Variants in ZEB2 observed in about 807,000 individuals in gnomAD.
The protein encoded by ZEB2 is zinc finger E-box-binding homeobox 2.
Under a neutral mutation model 99.9 loss-of-function variants are expected in ZEB2, and 6 were observed. The ratio of observed to expected loss-of-function variants is 0.06; its 90% confidence interval spans 0.03 to 0.12. The LOEUF (loss-of-function observed/expected upper bound fraction) is 0.12. ZEB2 is among the 10% of genes least tolerant of loss of function. The probability of loss-of-function intolerance (pLI) is 1.00; values close to 1 mark genes in which losing one functional copy is unlikely to be tolerated. For missense variants in ZEB2, 969 were observed against 1,502.8 expected, an observed-to-expected ratio of 0.64 and a Z score of 5.87; for synonymous variants, 517 against 542.5, an observed-to-expected ratio of 0.95 and a Z score of 0.65.
chr2:144,517,635 G>A (rs1208055482), intron 1 of ZEB2: 8 of 699,030 alleles, frequency 1.1e-5, no homozygotes, highest in Non-Finnish European at 1.8e-5. Flanking sequence ...GCACCCGCGA[G>A]GGGATCAGAG....
intron 4 of ZEB2, among the ~76,000 whole-genome samples, chr2:144,406,078 T>C (rs558007494): frequency 6.6e-6 from 1 of 152,358 alleles, no homozygotes; most frequent in South Asian, 2.1e-4. Context: ...CTTCACCTTG[T>C]CTTCTCTACC....
chr2:144,488,043 A>G (rs1573793894), intron 2 of ZEB2, among the ~76,000 whole-genome samples: 1 of 152,178 alleles, frequency 6.6e-6, no homozygotes, highest in South Asian at 2.1e-4. Flanking sequence ...GGGAGATCAC[A>G]TGGATGTATC....
In ZEB2 at chr2:144,399,202, T is replaced by C; in HGVS notation, c.1985A>G (p.Tyr662Cys). ...YKDHMSVLKA[Y>C]YAMNMEPNSD... ...GTTGGGCTCCATGTTCATAGCATAG[T>C]ATGCTTTGAGTACAGACATGTGGTC... The change falls in exon 8 of 10, where the codon TAC becomes TGC. Residue 662 changes from tyrosine (Y) to cysteine (C), a missense_variant. Transcript: ENST00000627532. The surrounding 1 kb of genome is among the most constrained non-coding windows in gnomAD (Gnocchi z 5.6). 6.2e-7 allele frequency: 1 copy of C among 1,614,178 alleles called. No individual in the cohort carries two copies. Among genetic ancestry groups the C allele is most frequent in the Middle Eastern group, 1.7e-4 (1 of 6,060 alleles).
chr2:144,485,910 C>T (rs1466942577), intron 2 of ZEB2, among the ~76,000 whole-genome samples: 1 of 152,070 alleles, frequency 6.6e-6, no homozygotes. Flanking sequence ...TGAGCCACTG[C>T]GCCTGGCCTC....
intron 4 of ZEB2, among the ~76,000 whole-genome samples, chr2:144,420,420 A>G (rs1196604292): frequency 1.3e-5 from 2 of 152,026 alleles, no homozygotes. Context: ...TACCTCAGTA[A>G]TTATTTATTT....
Position 144,399,976 on chromosome 2 carries a change from A to G in ZEB2, c.1211T>C (p.Met404Thr), listed in dbSNP as rs754087167. The G allele has an allele frequency of 1.9e-6, 3 of 1,614,242 alleles. No homozygotes were observed. Among genetic ancestry groups the G allele is most frequent in the East Asian group, 2.2e-5 (1 of 44,886 alleles). ...AGTGCCACTAAACCCGTGTGTAGCC[A>G]TAAGAACTTTATAGTCATTGAAGTC... ...PLDFNDYKVL[M>T]ATHGFSGTSP... Residue 404 changes from methionine (M) to threonine (T), a missense_variant, in exon 8 of 10, where the codon ATG becomes ACG. By Grantham distance (81) the Met-to-Thr change is moderately conservative. Coordinates refer to ENST00000627532, the MANE Select transcript of ZEB2 (RefSeq NM_014795.4). This position sits in a 1 kb window ranked among gnomAD's most constrained non-coding sequence, Gnocchi z 5.6.
intron 2 of ZEB2, among the ~76,000 whole-genome samples, chr2:144,509,928 T>C (rs1487361683): frequency 6.6e-6 from 1 of 152,032 alleles, no homozygotes; most frequent in Non-Finnish European, 1.5e-5. Context: ...GCACAAACTT[T>C]CTCTCACAAG....
intron 2 of ZEB2, among the ~76,000 whole-genome samples, chr2:144,471,785 A>C (rs543390612): frequency 2.0e-5 from 3 of 149,388 alleles, no homozygotes; most frequent in African/African-American, 7.6e-5. Flanking sequence ...CCTTGAAATC[A>C]CTTGTGTTTT....
chr2:144,418,681 T>C (rs902132959), intron 4 of ZEB2, among the ~76,000 whole-genome samples: 3 of 149,248 alleles, frequency 2.0e-5, no homozygotes, highest in Non-Finnish European at 4.4e-5. Context: ...AGAGCGAGAC[T>C]CCATCTCAAA....
At chr2:144,517,019 G>A (rs1463772023) in intron 2 of ZEB2, among the ~76,000 whole-genome samples, 1 of 149,608 alleles carries the variant, frequency 6.7e-6, no homozygotes, top group African/African-American at 2.4e-5. Context: ...GCGGGGCTGG[G>A]GGCGCGGGGC....
chr2:144,497,480 C>A (rs952555600), intron 2 of ZEB2, among the ~76,000 whole-genome samples: 5 of 152,086 alleles, frequency 3.3e-5, no homozygotes, highest in African/African-American at 9.7e-5. Flanking sequence ...TGATGACATA[C>A]TTTTCAATTA....
chr2:144,483,900 C>T (rs1704554792), intron 2 of ZEB2, among the ~76,000 whole-genome samples: 1 of 152,096 alleles, frequency 6.6e-6, no homozygotes, highest in South Asian at 2.1e-4. Flanking sequence ...ATTGTATAAA[C>T]AAATACCTTA....
At chr2:144,440,484 A>AGT in intron 2 of ZEB2, among the ~76,000 whole-genome samples, 4 of 75,438 alleles carry the variant, frequency 5.3e-5, no homozygotes, top group African/African-American at 1.6e-4. Context: ...ACCCAAAAGC[A>AGT]GTATATATAT....
At chr2:144,394,615 A>G (rs1447068256) in intron 9 of ZEB2, 3 of 152,250 alleles carry the variant, frequency 2.0e-5, no homozygotes, top group African/African-American at 7.2e-5. Context: ...CTACACTAAA[A>G]GAAAATTTTG....
At chr2:144,498,743 A>G (rs912005387) in intron 2 of ZEB2, among the ~76,000 whole-genome samples, 1 of 152,168 alleles carries the variant, frequency 6.6e-6, no homozygotes, top group Non-Finnish European at 1.5e-5. Context: ...TGTGTCCTAA[A>G]AATGATCAGG....
Position 144,512,711 on chromosome 2 carries a change from A to G in ZEB2, c.73+4567T>C, listed in dbSNP as rs758253526. 4 of 1,287,240 alleles carry G rather than the reference A, an allele frequency of 3.1e-6. No individual in the cohort carries two copies. The South Asian group carries it at 4.9e-5, about 16-fold the overall frequency. The allele number at this position is 1,287,240 out of a possible 1,614,324, so 79.7% of individuals were successfully genotyped here. A position where few individuals can be genotyped will look rare whatever the true frequency, so the allele number is the denominator to read the frequency against. On this transcript the variant is annotated intron_variant, in intron 2 of 9. Transcript: ENST00000627532. ...GCCTACTGGCTCTGCTACGAAGGAAAGCATGTTTCTACCCCAATTGGCTTA... is the reference window on the plus strand; with the variant it reads ...GCCTACTGGCTCTGCTACGAAGGAAGGCATGTTTCTACCCCAATTGGCTTA...
At chr2:144,419,975 G>A (rs921671334) in intron 4 of ZEB2, among the ~76,000 whole-genome samples, 1 of 151,908 alleles carries the variant, frequency 6.6e-6, no homozygotes. Context: ...AATCCTTCAG[G>A]GACTTAGATC....
At chr2:144,413,992 T>C (rs930800053) in intron 4 of ZEB2, among the ~76,000 whole-genome samples, 25 of 152,202 alleles carry the variant, frequency 1.6e-4, no homozygotes, top group South Asian at 2.1e-4. Context: ...ATGCACAGAA[T>C]TGATGGTTAA....
At chr2:144,512,777 T>C (rs754435496) in intron 2 of ZEB2, 4 of 1,287,206 alleles carry the variant, frequency 3.1e-6, no homozygotes, top group South Asian at 1.2e-5. Flanking sequence ...TCAGCCTAGA[T>C]ACATAGCCCC....
Sources: gnomAD v4.1 joint callset for allele counts (sites outside exome capture counted in the v4.1 genomes callset) on GRCh38, gnomAD v4.1.1 for gene constraint, Gnocchi (gnomAD v3.1) non-coding constraint, MANE v1.5 for transcripts, NCBI Gene and HGNC (gene_info 2026-07-23, HGNC 2026-07-21) for gene names.